Variants in XRCC1 observed in about 807,000 individuals in gnomAD.
XRCC1 encodes the protein DNA repair protein XRCC1.
Under a neutral mutation model 83.3 loss-of-function variants are expected in XRCC1, and 52 were observed. That is an observed-to-expected ratio of 0.62 (90% CI 0.50 to 0.79). The LOEUF is 0.79. Ranked by LOEUF, XRCC1 falls within the 30% of genes least tolerant of loss-of-function variation. The pLI, the probability that XRCC1 is intolerant of heterozygous loss-of-function variation, is 0.00. For missense variants in XRCC1, 793 were observed against 823.5 expected (o/e 0.96, Z 0.45); for synonymous variants, 281 against 312.6 (o/e 0.90, Z 1.07).
intron 2 of XRCC1, among the ~76,000 whole-genome samples, chr19:43,570,614 T>C (rs1972798170): frequency 6.6e-6 from 1 of 152,090 alleles, no homozygotes; most frequent in African/African-American, 2.4e-5. Context: ...TGAGACCCCA[T>C]CTCTACGAAA....
chr19:43,564,541 A>C (rs990632795), intron 2 of XRCC1, among the ~76,000 whole-genome samples: 1 of 152,008 alleles, frequency 6.6e-6, no homozygotes, highest in African/African-American at 2.4e-5. Context: ...GTAATCCCAG[A>C]ACTTTGGGAG....
intron 4 of XRCC1, 77 bp downstream of exon 4, chr19:43,554,569 T>G: frequency 3.3e-6 from 5 of 1,509,074 alleles, no homozygotes; most frequent in Admixed American, 2.1e-5. Flanking sequence ...CCCAGCCCTA[T>G]GGGACTCAAT....
At chr19:43,548,286 C>T (rs1229824032) in intron 10 of XRCC1, among the ~76,000 whole-genome samples, 2 of 152,024 alleles carry the variant, frequency 1.3e-5, no homozygotes, top group Non-Finnish European at 2.9e-5. Flanking sequence ...CCCAACAGCT[C>T]ATTGAGAACG....
At chr19:43,575,138 C>A in intron 1 of XRCC1, 136 bp from the exon 2 acceptor site, 1 of 807,822 alleles carries the variant, frequency 1.2e-6, no homozygotes, top group South Asian at 1.6e-5. Flanking sequence ...TCCCCCGACA[C>A]TCTGCCTGGA....
chr19:43,544,806 C>A (rs1369444884), intron 14 of XRCC1, among the ~76,000 whole-genome samples: 1 of 151,146 alleles, frequency 6.6e-6, no homozygotes, highest in South Asian at 2.1e-4. Context: ...CCACCACGCT[C>A]GGCTAATTTT....
chr19:43,565,976 C>A (rs1159164965), intron 2 of XRCC1, among the ~76,000 whole-genome samples: 1 of 152,044 alleles, frequency 6.6e-6, no homozygotes, highest in Non-Finnish European at 1.5e-5. Flanking sequence ...TGGCTCACAC[C>A]TGTAATCTCA....
chr19:43,551,207 A>G (rs961593857), intron 10 of XRCC1, among the ~76,000 whole-genome samples: 21 of 152,164 alleles, frequency 1.4e-4, no homozygotes, highest in African/African-American at 4.6e-4. Flanking sequence ...ACCTCAAGTG[A>G]TCCACCTGCC....
Position 43,551,312 on chromosome 19 carries a change from C to G in XRCC1, c.1199+259G>C, listed in dbSNP as rs117600734. On this transcript the variant is annotated intron_variant, in intron 10 of 16. Coordinates refer to ENST00000262887, the MANE Select transcript of XRCC1 (RefSeq NM_006297.3). ...ATGGACCCTAACACTTGTTCTCCCA[C>G]CCCTGAGTTTTTGCACAAACTGCTC... 2.6e-3 allele frequency among the ~76,000 whole-genome samples: 395 copies of G among 152,344 alleles called. 4 individuals carry two copies. The highest frequency in any genetic ancestry group is 4.3e-3 in the Non-Finnish European group (295 of 68,042).
At chr19:43,544,078 C>T (rs1426691897) in intron 15 of XRCC1, 66 bp downstream of exon 15, 1 of 1,449,486 alleles carries the variant, frequency 6.9e-7, no homozygotes, top group Non-Finnish European at 9.4e-7. Flanking sequence ...CCACCCCTCC[C>T]AGCAGGTCCC....
intron 2 of XRCC1, among the ~76,000 whole-genome samples, chr19:43,572,866 T>C (rs539931489): frequency 6.6e-6 from 1 of 151,930 alleles, no homozygotes; most frequent in Non-Finnish European, 1.5e-5. Context: ...AACAACCAAG[T>C]TGTATTAACT....
chr19:43,560,881 T>C, intron 3 of XRCC1, 29 bp downstream of exon 3: 1 of 1,564,178 alleles, frequency 6.4e-7, no homozygotes, highest in South Asian at 1.1e-5. Context: ...CAGAGGTCAG[T>C]ATGGGATCCA....
In XRCC1 at chr19:43,575,451, T is replaced by A. The variant is rs757200717; in HGVS notation, c.8A>T (p.Glu3Val). 6.2e-7 allele frequency: 1 copy of A among 1,612,112 alleles called. No individual in the cohort carries two copies. Among genetic ancestry groups the A allele is most frequent in the Non-Finnish European group, 8.5e-7 (1 of 1,178,612 alleles). The change falls in exon 1 of 17, where the codon GAG becomes GTG. Residue 3 changes from glutamate to valine, a missense_variant. Coordinates refer to ENST00000262887, the MANE Select transcript of XRCC1 (RefSeq NM_006297.3). MPEIRLRHVVSCS... is the reference protein window; with the variant it reads MPVIRLRHVVSCS... ...GGACACGACATGGCGGAGGCGGATCTCCGGCATGTCAACGTCGTGGGCTTC... is the reference window on the plus strand; with the variant it reads ...GGACACGACATGGCGGAGGCGGATCACCGGCATGTCAACGTCGTGGGCTTC...
At chr19:43,557,750 C>T (rs1441734947) in intron 3 of XRCC1, among the ~76,000 whole-genome samples, 1 of 138,478 alleles carries the variant, frequency 7.2e-6, no homozygotes, top group African/African-American at 2.7e-5. Flanking sequence ...CGAGATTGCA[C>T]CACTGCACTC....
chr19:43,573,177 A>G (rs1177060001), intron 2 of XRCC1, among the ~76,000 whole-genome samples: 1 of 151,750 alleles, frequency 6.6e-6, no homozygotes, highest in Non-Finnish European at 1.5e-5. Context: ...CAAGCGATTC[A>G]CCCACCTCGA....
intron 10 of XRCC1, among the ~76,000 whole-genome samples, chr19:43,550,631 C>T (rs1972565470): frequency 6.6e-6 from 1 of 152,208 alleles, no homozygotes; most frequent in African/African-American, 2.4e-5. Flanking sequence ...TTGCTCAGTC[C>T]AAAGCCTTCT....
At chr19:43,569,149 A>C (rs1218029456) in intron 2 of XRCC1, among the ~76,000 whole-genome samples, 2 of 151,870 alleles carry the variant, frequency 1.3e-5, no homozygotes, top group East Asian at 3.9e-4. Flanking sequence ...AAACCATAAT[A>C]GTTATCTCAA....
intron 2 of XRCC1, among the ~76,000 whole-genome samples, chr19:43,569,969 G>A (rs1232952018): frequency 2.0e-5 from 3 of 152,158 alleles, no homozygotes; most frequent in African/African-American, 4.8e-5. Flanking sequence ...CCCTTGCAGG[G>A]GTACTGACAG....
chr19:43,551,554 G>A lies in XRCC1; in HGVS notation c.1199+17C>T, dbSNP rs2146048690. 6.3e-7 allele frequency: 1 copy of A among 1,598,784 alleles called. No homozygotes were observed. The highest frequency in any genetic ancestry group is 8.6e-7 in the Non-Finnish European group (1 of 1,166,156). ...CCAGCACAGGATAAGGAGCAGGGTT[G>A]GCGTGTGAGGCCTTACCTCTGGGAG... On this transcript the variant is annotated intron_variant, in intron 10 of 16. Transcript: ENST00000262887.
At chr19:43,562,435 G>C (rs1360085630) in intron 2 of XRCC1, among the ~76,000 whole-genome samples, 2 of 145,612 alleles carry the variant, frequency 1.4e-5, no homozygotes, top group Admixed American at 6.8e-5. Context: ...AAAAAGGGAA[G>C]ATGGTCATTA....
Sources: allele counts gnomAD v4.1 joint callset (sites outside exome capture counted in the v4.1 genomes callset), GRCh38; gene constraint gnomAD v4.1.1; transcripts MANE v1.5; gene names NCBI Gene and HGNC (gene_info 2026-07-23, HGNC 2026-07-21).